Variants in PTPRD observed in about 807,000 individuals in gnomAD.
PTPRD encodes receptor-type tyrosine-protein phosphatase delta.
Under a neutral mutation model 214.5 loss-of-function variants are expected in PTPRD, and 34 were observed. The ratio of observed to expected loss-of-function variants is 0.16; its 90% confidence interval spans 0.12 to 0.21. The LOEUF (loss-of-function observed/expected upper bound fraction) is 0.21, where lower values mean the gene tolerates loss of function less well. Among genes scored for constraint, PTPRD ranks in the 10% least tolerant of loss-of-function variants. The probability of loss-of-function intolerance (pLI) is 1.00; values close to 1 mark genes in which losing one functional copy is unlikely to be tolerated. For synonymous variants in PTPRD, 1,128 were observed against 845.7 expected (o/e 1.33, Z -5.79); for missense variants, 2,545 against 2,398.7 (o/e 1.06, Z -1.27).
At chr9:8,340,296 A>T (rs2132337904) in intron 42 of PTPRD, 47 bp downstream of exon 42, 1 of 1,514,500 alleles carries the variant, frequency 6.6e-7, no homozygotes, top group East Asian at 2.3e-5. Flanking sequence ...TCATTTCTCC[A>T]CAGAGTAAAT....
chr9:9,609,847 C>T (rs901503571), intron 7 of PTPRD, among the ~76,000 whole-genome samples: 1 of 151,950 alleles, frequency 6.6e-6, no homozygotes, highest in Non-Finnish European at 1.5e-5. Flanking sequence ...GTCAATTCAG[C>T]GTGTAAAAAA....
chr9:9,684,592 A>G (rs559018256), intron 7 of PTPRD, among the ~76,000 whole-genome samples: 142 of 151,746 alleles, frequency 9.4e-4, no homozygotes, highest in African/African-American at 3.4e-3. Flanking sequence ...GGTAGGCAGG[A>G]ACTTCCTTCT....
chr9:8,998,468 C>G (rs995262025), intron 11 of PTPRD, among the ~76,000 whole-genome samples: 2 of 152,016 alleles, frequency 1.3e-5, no homozygotes, highest in African/African-American at 4.8e-5. Flanking sequence ...ATATTTTAAG[C>G]CCATTGTTGA....
chr9:8,544,041 G>A (rs532102588), intron 14 of PTPRD, among the ~76,000 whole-genome samples: 2 of 151,942 alleles, frequency 1.3e-5, no homozygotes, highest in East Asian at 3.9e-4. Flanking sequence ...TATTTTCATG[G>A]ATATCATAGC....
At chr9:8,578,202 G>C (rs1281393225) in intron 14 of PTPRD, among the ~76,000 whole-genome samples, 4 of 152,048 alleles carry the variant, frequency 2.6e-5, no homozygotes, top group East Asian at 1.9e-4. Context: ...GTTTTCTTAT[G>C]ATAATATTCA....
chr9:9,316,151 A>G (rs1321781934), intron 9 of PTPRD, among the ~76,000 whole-genome samples: 1 of 152,018 alleles, frequency 6.6e-6, no homozygotes, highest in Non-Finnish European at 1.5e-5. Context: ...ACCACTATAA[A>G]GTACGTTATT....
intron 8 of PTPRD, among the ~76,000 whole-genome samples, chr9:9,458,808 T>C (rs1282705872): frequency 6.6e-6 from 1 of 152,000 alleles, no homozygotes; most frequent in Non-Finnish European, 1.5e-5. Context: ...AGTGTGGTGG[T>C]GTATGCCTGC....
chr9:8,999,843 T>C (rs569109586), intron 11 of PTPRD, among the ~76,000 whole-genome samples: 1 of 152,122 alleles, frequency 6.6e-6, no homozygotes, highest in African/African-American at 2.4e-5. Context: ...AGTCTGTAGA[T>C]TGAGCTTTGT....
chr9:10,406,434 T>C (rs954960732), intron 2 of PTPRD, among the ~76,000 whole-genome samples: 9 of 151,558 alleles, frequency 5.9e-5, no homozygotes, highest in African/African-American at 2.2e-4. Flanking sequence ...TAGTATTCAT[T>C]TGCGTAAAGA....
intron 45 of PTPRD, 42 bp downstream of exon 45, chr9:8,319,789 C>A: frequency 1.2e-6 from 2 of 1,609,310 alleles, no homozygotes; most frequent in Non-Finnish European, 1.7e-6. Flanking sequence ...GCTAGCAAAA[C>A]GTAGGCTCTT....
At chr9:10,045,300 T>C (rs957186724) in intron 3 of PTPRD, among the ~76,000 whole-genome samples, 10 of 151,712 alleles carry the variant, frequency 6.6e-5, no homozygotes, top group Non-Finnish European at 1.5e-5. Flanking sequence ...ACACTTAAAA[T>C]GGGAAAATAA....
chr9:10,031,770 A>C (rs1045148369), intron 4 of PTPRD, among the ~76,000 whole-genome samples: 1 of 151,194 alleles, frequency 6.6e-6, no homozygotes, highest in Non-Finnish European at 1.5e-5. Context: ...TATGGAGTTT[A>C]CTAGATTCGT....
chr9:8,734,488 T>A (rs2098695859), intron 11 of PTPRD, among the ~76,000 whole-genome samples: 1 of 152,214 alleles, frequency 6.6e-6, no homozygotes, highest in East Asian at 1.9e-4. Context: ...TTTGGCTTCT[T>A]CCCTGAAGAC....
intron 8 of PTPRD, among the ~76,000 whole-genome samples, chr9:9,493,535 T>A (rs2096017467): frequency 6.6e-6 from 1 of 152,070 alleles, no homozygotes; most frequent in African/African-American, 2.4e-5. Context: ...ATGCCTGTAA[T>A]CCTAGCACTT....
intron 7 of PTPRD, among the ~76,000 whole-genome samples, chr9:9,726,784 A>G (rs911930154): frequency 1.3e-5 from 2 of 152,188 alleles, no homozygotes; most frequent in Non-Finnish European, 2.9e-5. Context: ...AGGCTCAGGC[A>G]AAGTGGAAAT....
intron 7 of PTPRD, among the ~76,000 whole-genome samples, chr9:9,710,720 T>A (rs531075935): frequency 2.0e-3 from 298 of 152,266 alleles, no homozygotes; most frequent in African/African-American, 6.8e-3. Flanking sequence ...AGTACTATAC[T>A]AATAATTTCT....
intron 12 of PTPRD, among the ~76,000 whole-genome samples, chr9:8,726,884 T>C (rs1483129265): frequency 6.7e-6 from 1 of 149,410 alleles, no homozygotes; most frequent in Non-Finnish European, 1.5e-5. Context: ...GGTGAGAGGA[T>C]GACTTGAGCC....
rs2099859953 is a variant in PTPRD at position 9,141,247 on chromosome 9, T to G, written c.-143+42057A>C. On this transcript the variant is annotated intron_variant, in intron 10 of 45. Transcript: ENST00000381196. ...TCTCTCTCCTCCCCCCGTCTTCCTCTCCCCTCAGGGGAAGACTATTCCCCT... is the reference window on the plus strand; with the variant it reads ...TCTCTCTCCTCCCCCCGTCTTCCTCGCCCCTCAGGGGAAGACTATTCCCCT... 2.9e-5 allele frequency among the ~76,000 whole-genome samples: 4 copies of G among 139,270 alleles called. No homozygotes were observed. The South Asian group carries it at 1.0e-3, about 36-fold the overall frequency. The allele number at this position is 139,270 out of a possible 152,430, so 91.4% of individuals were successfully genotyped here.
chr9:8,987,178 T>C (rs1284051825), intron 11 of PTPRD, among the ~76,000 whole-genome samples: 1 of 152,064 alleles, frequency 6.6e-6, no homozygotes, highest in Non-Finnish European at 1.5e-5. Flanking sequence ...ATATTTATTA[T>C]ATATTTATTT....
Sources: gnomAD v4.1 joint callset for allele counts (sites outside exome capture counted in the v4.1 genomes callset) on GRCh38, gnomAD v4.1.1 for gene constraint, MANE v1.5 for transcripts, NCBI Gene and HGNC (gene_info 2026-07-23, HGNC 2026-07-21) for gene names.